The following STIMATE variants were observed in gnomAD, a reference collection of about 807,000 sequenced individuals.
STIMATE encodes store-operated calcium entry regulator STIMATE.
A neutral mutation model predicts 36.7 loss-of-function variants in STIMATE; 15 were observed. The observed-to-expected ratio is 0.41, with a 90% CI of 0.27 to 0.63. The LOEUF (loss-of-function observed/expected upper bound fraction) is 0.63, where lower values mean the gene tolerates loss of function less well. Ranked by LOEUF, STIMATE falls within the 20% of genes least tolerant of loss-of-function variation. STIMATE has a pLI of 0.32. For synonymous variants in STIMATE, 163 were observed against 162.3 expected, an observed-to-expected ratio of 1.00 and a Z score of -0.03; for missense variants, 305 against 397.3, an observed-to-expected ratio of 0.77 and a Z score of 1.98.
At chr3:52,843,214 A>T (rs1700833833) in intron 6 of STIMATE, 2 of 616,854 alleles carry the variant, frequency 3.2e-6, no homozygotes, top group Non-Finnish European at 5.2e-6. Context: ...AACTAGGGGG[A>T]ACAGCCTGTT....
chr3:52,859,026 G>T (rs973750036), intron 1 of STIMATE, among the ~76,000 whole-genome samples: 1 of 151,960 alleles, frequency 6.6e-6, no homozygotes, highest in African/African-American at 2.4e-5. Context: ...GCTGGGTGTG[G>T]TGGCGCGTGC....
At chr3:52,880,745 A>G (rs1031199701) in intron 1 of STIMATE, among the ~76,000 whole-genome samples, 4 of 152,224 alleles carry the variant, frequency 2.6e-5, no homozygotes, top group African/African-American at 9.6e-5. Context: ...GTCACTATGC[A>G]TGGAATGAGC....
Position 52,837,634 on chromosome 3 carries a change from A to G in STIMATE, c.*2860T>C, listed in dbSNP as rs191529627. ...TATGACAGTTCTACCTCATTAGTTT[A>G]TTTCCAATAGTTACAAGAAATTTGT... On this transcript the variant is annotated 3_prime_UTR_variant, in exon 8 of 8. Transcript: ENST00000355083. 1 of 152,226 alleles carries G rather than the reference A, an allele frequency of 6.6e-6. No individual in the cohort carries two copies. Among genetic ancestry groups the G allele is most frequent in the Non-Finnish European group, 1.5e-5 (1 of 68,038 alleles). 9.4% of individuals were successfully genotyped at this position (152,226 alleles called of 1,614,324 possible). A position where few individuals can be genotyped will look rare whatever the true frequency, so the allele number is the denominator to read the frequency against.
intron 1 of STIMATE, among the ~76,000 whole-genome samples, chr3:52,885,983 A>G (rs923801038): frequency 1.3e-5 from 2 of 152,302 alleles, no homozygotes; most frequent in Admixed American, 6.5e-5. Context: ...TTACTCCTTC[A>G]TGGGCAAAAG....
chr3:52,868,353 T>C lies in STIMATE; in HGVS notation c.161-12909A>G, dbSNP rs140869969. Reference sequence around the variant, plus strand: ...ACTCAGTTCTACCCTAGCAGAACTCTAAATCCAGGTCAGGCCACTTTTTAA... The same window carrying C: ...ACTCAGTTCTACCCTAGCAGAACTCCAAATCCAGGTCAGGCCACTTTTTAA... On this transcript the variant is annotated intron_variant, in intron 1 of 7. Coordinates refer to ENST00000355083, the MANE Select transcript of STIMATE (RefSeq NM_198563.5). 9.8e-4 allele frequency among the ~76,000 whole-genome samples: 150 copies of C among 152,326 alleles called. 2 individuals are homozygous for C. In the East Asian group the frequency reaches 0.025, roughly 26 times the overall value.
chr3:52,866,523 G>C (rs1701315785), intron 1 of STIMATE, among the ~76,000 whole-genome samples: 1 of 152,206 alleles, frequency 6.6e-6, no homozygotes, highest in Non-Finnish European at 1.5e-5. Flanking sequence ...CAGAAGTTTG[G>C]GCAGTGCTAC....
At chr3:52,854,107 G>A (rs1156843100) in intron 2 of STIMATE, among the ~76,000 whole-genome samples, 1 of 152,176 alleles carries the variant, frequency 6.6e-6, no homozygotes, top group Non-Finnish European at 1.5e-5. Flanking sequence ...TCTCTGTCCT[G>A]GTTTCTGACA....
chr3:52,864,102 C>G (rs1226930384), intron 1 of STIMATE, among the ~76,000 whole-genome samples: 1 of 152,240 alleles, frequency 6.6e-6, no homozygotes, highest in Non-Finnish European at 1.5e-5. Flanking sequence ...GGCGGTACCC[C>G]AGTGGGGACT....
At chr3:52,878,652 T>G (rs1701549401) in intron 1 of STIMATE, among the ~76,000 whole-genome samples, 1 of 152,228 alleles carries the variant, frequency 6.6e-6, no homozygotes, top group Admixed American at 6.5e-5. Flanking sequence ...TGAGCCTACC[T>G]AAATGCATTT....
chr3:52,862,896 G>A (rs1323170017), intron 1 of STIMATE, among the ~76,000 whole-genome samples: 1 of 152,148 alleles, frequency 6.6e-6, no homozygotes, highest in Non-Finnish European at 1.5e-5. Flanking sequence ...GACAGAAGGG[G>A]AAGAGAAGAA....
At chr3:52,858,990 C>T (rs1251864030) in intron 1 of STIMATE, among the ~76,000 whole-genome samples, 1 of 151,712 alleles carries the variant, frequency 6.6e-6, no homozygotes, top group Non-Finnish European at 1.5e-5. Context: ...AAAACCCCAT[C>T]TCTACTAAAA....
chr3:52,880,741 A>G (rs1292586453), intron 1 of STIMATE, among the ~76,000 whole-genome samples: 4 of 152,228 alleles, frequency 2.6e-5, no homozygotes, highest in Non-Finnish European at 5.9e-5. Flanking sequence ...GAAAGTCACT[A>G]TGCATGGAAT....
chr3:52,847,998 G>A (rs1344508528), intron 4 of STIMATE: 1 of 161,676 alleles, frequency 6.2e-6, no homozygotes, highest in African/African-American at 2.4e-5. Flanking sequence ...CTTCCCAGAG[G>A]CTCCAGAAGC....
At chr3:52,843,094 C>T (rs1306567122) in intron 6 of STIMATE, 134 bp from the exon 7 acceptor site, 3 of 1,427,520 alleles carry the variant, frequency 2.1e-6, no homozygotes, top group South Asian at 1.4e-5. Context: ...AATCCAATCA[C>T]CCTGCTCTCT....
chr3:52,852,603 A>C lies in STIMATE; in HGVS notation c.305T>G (p.Leu102Arg). ...ADLTEEDPCS[L>R]YLINFLLDAT... ...TTGCACTCAAATAGGGAACACTTAC[A>C]GTGAACAAGGGTCCTCTTCAGTGAG... Residue 102 changes from leucine (L) to arginine (R), a missense_variant and splice_region_variant, in exon 3 of 8, where the codon CTG (leucine) becomes CGG (arginine). This residue lies in a region of STIMATE where 164 missense variants were observed against 257.9 expected (regional missense o/e 0.64). Transcript: ENST00000355083. 6.2e-7 allele frequency: 1 copy of C among 1,613,730 alleles called. No homozygotes were observed. The highest frequency in any genetic ancestry group is 8.5e-7 in the Non-Finnish European group (1 of 1,179,836).
In STIMATE at chr3:52,897,408, C is replaced by T. The variant is rs1206913871; in HGVS notation, c.43G>A (p.Gly15Arg). The change falls in exon 1 of 8, where the codon GGG becomes AGG. Residue 15 changes from glycine (G) to arginine (R), a missense_variant. By Grantham distance (125) the Gly-to-Arg change is moderately radical (BLOSUM62 -2). Transcript: ENST00000355083. Reference protein sequence around the residue: ...AGNASRGLPGGPPSTVASGAG... With the variant: ...AGNASRGLPGRPPSTVASGAG... ...CCGGACGCGACTGTGGAGGGCGGCC[C>T]GCCTGGCAGTCCCCGGCTCGCGTTC... 6.8e-7 allele frequency: 1 copy of T among 1,472,512 alleles called. No individual in the cohort carries two copies. The highest frequency in any genetic ancestry group is 8.9e-7 in the Non-Finnish European group (1 of 1,119,140). 91.2% of individuals were successfully genotyped at this position (1,472,512 alleles called of 1,614,324 possible). A position where few individuals can be genotyped will look rare whatever the true frequency, so the allele number is the denominator to read the frequency against.
chr3:52,843,525 G>A (rs1397525196), intron 6 of STIMATE, among the ~76,000 whole-genome samples, 196 bp downstream of exon 6: 3 of 152,154 alleles, frequency 2.0e-5, no homozygotes, highest in Non-Finnish European at 4.4e-5. Context: ...CATCCTGGAC[G>A]GGAGCCCTGG....
chr3:52,880,682 A>G (rs1198619083), intron 1 of STIMATE, among the ~76,000 whole-genome samples: 1 of 152,194 alleles, frequency 6.6e-6, no homozygotes, highest in African/African-American at 2.4e-5. Context: ...CTCCTTACAA[A>G]GGAGGTACTG....
chr3:52,849,932 T>G lies in STIMATE; in HGVS notation c.306-19A>C, dbSNP rs376628570. 59 of 1,609,630 alleles carry G rather than the reference T, an allele frequency of 3.7e-5. No homozygotes were observed. The highest frequency in any genetic ancestry group is 3.4e-4 in the East Asian group (15 of 44,700). On this transcript the variant is annotated intron_variant, in intron 3 of 7. Transcript: ENST00000355083. ...GAGGTACCTGTGAGGACAGGGCACATGCATGGTCACGGCAGAAGCCACGGG... is the reference window on the plus strand; with the variant it reads ...GAGGTACCTGTGAGGACAGGGCACAGGCATGGTCACGGCAGAAGCCACGGG...
Sources: gnomAD v4.1 joint callset for allele counts (sites outside exome capture counted in the v4.1 genomes callset) on GRCh38, gnomAD v4.1.1 for gene constraint, gnomAD v4.1.1 regional missense constraint, MANE v1.5 for transcripts, NCBI Gene and HGNC (gene_info 2026-07-23, HGNC 2026-07-21) for gene names.